ANO6: variants seen among roughly 807,000 people sequenced by gnomAD.
ANO6 encodes anoctamin-6.
A neutral mutation model predicts 117.5 loss-of-function variants in ANO6; 106 were observed. The ratio of observed to expected loss-of-function variants is 0.90; its 90% confidence interval spans 0.77 to 1.06. The LOEUF is 1.06. ANO6 is among the 50% of genes least tolerant of loss of function. ANO6 has a pLI of 0.00. For synonymous variants in ANO6, 367 were observed against 385.1 expected (o/e 0.95, Z 0.55); for missense variants, 955 against 1,121.1 (o/e 0.85, Z 2.12).
At position 45,421,257 on chromosome 12, in the gene ANO6, A is replaced by G; in HGVS notation, c.2404A>G (p.Asn802Asp). ...GGGAAACCCGTACTCTGACCTGGGT[A>G]ACCATACCACATGCAGGCAAGTTCT... ...SKGNPYSDLG[N>D]HTTCRYRDFR... is the part of the protein sequence containing the mutation. Residue 802 changes from asparagine (N) to aspartate (D), a missense_variant, in exon 18 of 20, where the codon AAC (asparagine) becomes GAC (aspartate). Asn to Asp is a conservative substitution (Grantham distance 23). Coordinates refer to ENST00000320560, the MANE Select transcript of ANO6 (RefSeq NM_001025356.3). 1 of 1,614,134 alleles carries G rather than the reference A, an allele frequency of 6.2e-7. No homozygotes were observed. Among genetic ancestry groups the G allele is most frequent in the Non-Finnish European group, 8.5e-7 (1 of 1,179,988 alleles).
intron 2 of ANO6, among the ~76,000 whole-genome samples, chr12:45,315,758 G>A (rs1359527796): frequency 1.3e-5 from 2 of 151,952 alleles, no homozygotes; most frequent in East Asian, 1.9e-4. Flanking sequence ...CCAGTTCTCT[G>A]AATGTTGATA....
intron 19 of ANO6, among the ~76,000 whole-genome samples, chr12:45,426,026 T>G (rs1484550380): frequency 3.3e-5 from 5 of 152,204 alleles, no homozygotes; most frequent in African/African-American, 1.2e-4. Context: ...GAAACAGCAT[T>G]GAAGGAAATG....
chr12:45,227,699 T>C (rs1006971687), intron 1 of ANO6, among the ~76,000 whole-genome samples: 1 of 152,184 alleles, frequency 6.6e-6, no homozygotes. Flanking sequence ...CCATCAAACA[T>C]TGCTGTCCAT....
chr12:45,224,820 C>T (rs1309298255), intron 1 of ANO6, among the ~76,000 whole-genome samples: 1 of 152,018 alleles, frequency 6.6e-6, no homozygotes, highest in African/African-American at 2.4e-5. Flanking sequence ...ACCAAATGCT[C>T]CTATGAAAAT....
chr12:45,254,827 A>C (rs1937754123), intron 1 of ANO6, among the ~76,000 whole-genome samples: 1 of 152,232 alleles, frequency 6.6e-6, no homozygotes, highest in African/African-American at 2.4e-5. Context: ...AACAGACTCA[A>C]CATACTTGAA....
chr12:45,299,480 A>T (rs1318522942), intron 1 of ANO6, among the ~76,000 whole-genome samples: 1 of 152,202 alleles, frequency 6.6e-6, no homozygotes, highest in Non-Finnish European at 1.5e-5. Context: ...TTGTACTGTC[A>T]TTTCTACTGG....
intron 1 of ANO6, among the ~76,000 whole-genome samples, chr12:45,255,082 A>G (rs1937762825): frequency 6.6e-6 from 1 of 152,258 alleles, no homozygotes; most frequent in Non-Finnish European, 1.5e-5. Flanking sequence ...ATCAAACTGA[A>G]CACAGCTTTA....
chr12:45,409,335 T>C, intron 15 of ANO6, 22 bp from the exon 16 acceptor site: 2 of 1,613,478 alleles, frequency 1.2e-6, no homozygotes, highest in Non-Finnish European at 1.7e-6. Context: ...CGTTCTAATT[T>C]ATAAATTGTT....
In ANO6 at chr12:45,432,157, G is replaced by A; in HGVS notation, c.*2846G>A. 5 of 985,312 alleles carry A rather than the reference G, an allele frequency of 5.1e-6. No homozygotes were observed. The highest frequency in any genetic ancestry group is 4.8e-6 in the Non-Finnish European group (4 of 829,850). 61.0% of individuals were successfully genotyped at this position (985,312 alleles called of 1,614,324 possible). A position where few individuals can be genotyped will look rare whatever the true frequency, so the allele number is the denominator to read the frequency against. On this transcript the variant is annotated 3_prime_UTR_variant, in exon 20 of 20. Coordinates refer to ENST00000320560, the MANE Select transcript of ANO6 (RefSeq NM_001025356.3). ...ATATTATGTTTGAGAGGGTAAAAAT[G>A]TATGAGCAGCTTAACTGAAGTAGAA...
At chr12:45,268,870 G>T (rs1384836738) in intron 1 of ANO6, among the ~76,000 whole-genome samples, 1 of 152,194 alleles carries the variant, frequency 6.6e-6, no homozygotes, top group East Asian at 1.9e-4. Flanking sequence ...AATTTTTCTT[G>T]TAAGAATTGC....
chr12:45,384,630 A>C (rs777113894), intron 10 of ANO6, among the ~76,000 whole-genome samples: 14 of 152,200 alleles, frequency 9.2e-5, no homozygotes, highest in Non-Finnish European at 1.9e-4. Flanking sequence ...GAATGGTCAG[A>C]CCACACACAT....
At chr12:45,414,841 G>T (rs1420438301) in intron 16 of ANO6, among the ~76,000 whole-genome samples, 1 of 151,960 alleles carries the variant, frequency 6.6e-6, no homozygotes, top group African/African-American at 2.4e-5. Context: ...CCGGCTCACT[G>T]CAACCTCCGC....
chr12:45,255,274 AT>A (rs1398985206), intron 1 of ANO6, among the ~76,000 whole-genome samples: 1 of 152,086 alleles, frequency 6.6e-6, no homozygotes, highest in Non-Finnish European at 1.5e-5. Context: ...CTGCCTTGGA[AT>A]TTTTTTCTTC....
chr12:45,319,874 A>G (rs560811168), intron 2 of ANO6, among the ~76,000 whole-genome samples: 12 of 152,220 alleles, frequency 7.9e-5, no homozygotes, highest in African/African-American at 2.9e-4. Context: ...GAATTTATCC[A>G]TTTCTTCTAG....
intron 1 of ANO6, chr12:45,228,315 T>TTTTTTTA (rs1555157330): frequency 3.4e-6 from 1 of 292,118 alleles, no homozygotes; most frequent in African/African-American, 2.7e-5. Flanking sequence ...TTTTTTTTTT[T>TTTTTTTA]TTATTATTAG....
In ANO6 at chr12:45,226,984, C is replaced by CTT. The variant is rs906373347; in HGVS notation, c.70+10613_70+10614dup. Among the ~76,000 whole-genome samples, 994 of 112,738 alleles carry CTT rather than the reference C, an allele frequency of 8.8e-3. 23 individuals carry two copies. The highest frequency in any genetic ancestry group is 0.032 in the African/African-American group (919 of 29,134). 74.0% of individuals were successfully genotyped at this position (112,738 alleles called of 152,430 possible). A position where few individuals can be genotyped will look rare whatever the true frequency, so the allele number is the denominator to read the frequency against. ...AAAAATTAACAAAAATTATCATTTTCTTTTTTTTTTTTTTTTTTTTTGAAG... is the reference window on the plus strand; with the variant it reads ...AAAAATTAACAAAAATTATCATTTTCTTTTTTTTTTTTTTTTTTTTTTTGAAG... On this transcript the variant is annotated intron_variant, in intron 1 of 19. Coordinates refer to ENST00000320560, the MANE Select transcript of ANO6 (RefSeq NM_001025356.3).
intron 1 of ANO6, among the ~76,000 whole-genome samples, chr12:45,219,754 GC>G (rs1190956858): frequency 1.3e-5 from 2 of 152,150 alleles, no homozygotes; most frequent in East Asian, 3.8e-4. Flanking sequence ...TTAAGTTACA[GC>G]CAGCAGAAAT....
intron 1 of ANO6, among the ~76,000 whole-genome samples, chr12:45,280,933 G>A (rs971060718): frequency 7.2e-5 from 11 of 151,982 alleles, no homozygotes; most frequent in Admixed American, 2.6e-4. Context: ...ATATATAAAT[G>A]CATGTTTACA....
At chr12:45,387,599 T>C (rs1160972594) in intron 10 of ANO6, among the ~76,000 whole-genome samples, 1 of 152,260 alleles carries the variant, frequency 6.6e-6, no homozygotes, top group Non-Finnish European at 1.5e-5. Flanking sequence ...ATAGTCTATT[T>C]CATAATGTTG....
Sources: allele counts gnomAD v4.1 joint callset (sites outside exome capture counted in the v4.1 genomes callset), GRCh38; gene constraint gnomAD v4.1.1; transcripts MANE v1.5; gene names NCBI Gene and HGNC (gene_info 2026-07-23, HGNC 2026-07-21).